WASF2: variants seen among roughly 807,000 people sequenced by gnomAD.
WASF2 encodes the protein WASP family member 2.
In WASF2, 14 loss-of-function variants were observed where a neutral mutation model predicts 45.0. The ratio of observed to expected loss-of-function variants is 0.31; its 90% CI spans 0.21 to 0.49. WASF2 has a LOEUF of 0.49. Ranked by LOEUF, WASF2 falls within the 20% of genes least tolerant of loss-of-function variation. The probability of loss-of-function intolerance (pLI) is 0.99; values close to 1 mark genes in which losing one functional copy is unlikely to be tolerated. For synonymous variants in WASF2, 200 were observed against 236.3 expected (o/e 0.85, Z 1.41); for missense variants, 439 against 636.1 (o/e 0.69, Z 3.33).
chr1:27,480,424 C>G (rs1304560753), intron 1 of WASF2, among the ~76,000 whole-genome samples: 1 of 151,254 alleles, frequency 6.6e-6, no homozygotes, highest in Non-Finnish European at 1.5e-5. Context: ...GGCTAAGGCA[C>G]AAGAATCGCT....
At chr1:27,412,525 C>T in intron 7 of WASF2, 47 bp downstream of exon 7, 1 of 1,609,922 alleles carries the variant, frequency 6.2e-7, no homozygotes, top group Non-Finnish European at 8.5e-7. Flanking sequence ...CTTTTGTTCT[C>T]AAGTGTATAA....
In WASF2 at chr1:27,410,100, C is replaced by T. The variant is rs1264915286; in HGVS notation, c.931G>A (p.Gly311Ser). 1 of 1,613,386 alleles carries T rather than the reference C, an allele frequency of 6.2e-7. No individual in the cohort carries two copies. The highest frequency in any genetic ancestry group is 2.2e-5 in the East Asian group (1 of 44,856). ...GGTGGAGCAAACCCGGGTTTAGGGCCTGGTGGAGAGCCTAGAGGAGGAGCT... is the reference window on the plus strand; with the variant it reads ...GGTGGAGCAAACCCGGGTTTAGGGCTTGGTGGAGAGCCTAGAGGAGGAGCT... The part of the protein sequence containing the change: ...PPAPPLGSPP[G>S]PKPGFAPPPA... Residue 311 changes from glycine to serine, a missense_variant, in exon 8 of 9, where the codon GGC becomes AGC. Gly to Ser is a moderately conservative substitution (Grantham distance 56). Around this residue, in one of 5 missense-constraint regions of WASF2, gnomAD observed 286 missense variants for 373.5 expected, o/e 0.77. Transcript: ENST00000618852. The surrounding 1 kb of genome is among the most constrained non-coding windows in gnomAD (Gnocchi z 4.2).
At chr1:27,457,643 C>T (rs1263754231) in intron 1 of WASF2, among the ~76,000 whole-genome samples, 1 of 145,092 alleles carries the variant, frequency 6.9e-6, no homozygotes, top group African/African-American at 2.6e-5. Context: ...TTTTAAGAGA[C>T]GGGGTCTTAC....
At chr1:27,485,342 G>A (rs1348270198) in intron 1 of WASF2, among the ~76,000 whole-genome samples, 1 of 152,036 alleles carries the variant, frequency 6.6e-6, no homozygotes, top group Non-Finnish European at 1.5e-5. Context: ...AACACTTTGG[G>A]GAGGCCAAGG....
chr1:27,484,215 T>G (rs1444858657), intron 1 of WASF2, among the ~76,000 whole-genome samples: 1 of 152,060 alleles, frequency 6.6e-6, no homozygotes, highest in Non-Finnish European at 1.5e-5. Flanking sequence ...TAATTCTTCA[T>G]CCTCCAACAA....
intron 1 of WASF2, among the ~76,000 whole-genome samples, chr1:27,466,391 T>C (rs539649280): frequency 6.6e-6 from 1 of 152,264 alleles, no homozygotes; most frequent in Non-Finnish European, 1.5e-5. Flanking sequence ...CCTCACAGAA[T>C]AATACACCAC....
At chr1:27,411,154 G>C (rs902077941) in intron 7 of WASF2, among the ~76,000 whole-genome samples, 1 of 152,190 alleles carries the variant, frequency 6.6e-6, no homozygotes, top group Non-Finnish European at 1.5e-5. Context: ...GGACAGCACA[G>C]CTTTAGGTCT....
At chr1:27,476,817 G>A (rs1287241392) in intron 1 of WASF2, among the ~76,000 whole-genome samples, 2 of 152,182 alleles carry the variant, frequency 1.3e-5, no homozygotes, top group African/African-American at 4.8e-5. Context: ...GTTTGCAGAT[G>A]ACTCTACAGC....
chr1:27,489,507 G>C (rs1486747781), intron 1 of WASF2, among the ~76,000 whole-genome samples: 1 of 150,716 alleles, frequency 6.6e-6, no homozygotes, highest in Non-Finnish European at 1.5e-5. Flanking sequence ...TTAGCAGGCC[G>C]GGGCCTCAAC....
At chr1:27,456,190 C>T (rs1370770763) in intron 1 of WASF2, among the ~76,000 whole-genome samples, 2 of 151,630 alleles carry the variant, frequency 1.3e-5, no homozygotes, top group African/African-American at 2.4e-5. Flanking sequence ...GGCGTGGTGG[C>T]GGGCACCTGT....
At chr1:27,440,079 G>A (rs188656808) in intron 1 of WASF2, among the ~76,000 whole-genome samples, 7 of 152,180 alleles carry the variant, frequency 4.6e-5, no homozygotes, top group East Asian at 1.9e-4. Context: ...AAAAACAGAC[G>A]GAAAGGTTTT....
intron 1 of WASF2, among the ~76,000 whole-genome samples, chr1:27,435,244 C>A (rs538548805): frequency 6.6e-6 from 1 of 152,124 alleles, no homozygotes; most frequent in African/African-American, 2.4e-5. Flanking sequence ...CCATGCCCAG[C>A]CTATCATGGA....
chr1:27,406,639 C>T lies in WASF2; in HGVS notation c.*1550G>A, dbSNP rs2016680193. The T allele has an allele frequency of 6.6e-6, 1 of 150,744 alleles. No individual in the cohort carries two copies. The highest frequency in any genetic ancestry group is 2.4e-5 in the African/African-American group (1 of 41,172). 9.3% of individuals were successfully genotyped at this position (150,744 alleles called of 1,614,324 possible). On this transcript the variant is annotated 3_prime_UTR_variant, in exon 9 of 9. Transcript: ENST00000618852. The stretch of plus-strand genomic sequence containing the variant: ...TTAGGGCAGAAGAAAAGAAACCTCA[C>T]TGTTGGCTAGAGCTGACCAGTTTTT...
intron 1 of WASF2, among the ~76,000 whole-genome samples, chr1:27,474,929 G>A (rs1181753272): frequency 1.3e-5 from 2 of 151,974 alleles, no homozygotes; most frequent in Non-Finnish European, 2.9e-5. Flanking sequence ...TCCAGCCTAG[G>A]TGACAGAGTG....
chr1:27,449,410 C>T (rs915922900), intron 1 of WASF2, among the ~76,000 whole-genome samples: 5 of 152,050 alleles, frequency 3.3e-5, no homozygotes, highest in Non-Finnish European at 5.9e-5. Context: ...ACCAGCCTGG[C>T]CAACATGGTG....
At chr1:27,474,788 T>A (rs2017742421) in intron 1 of WASF2, among the ~76,000 whole-genome samples, 1 of 147,958 alleles carries the variant, frequency 6.8e-6, no homozygotes, top group African/African-American at 2.5e-5. Context: ...AAAATAAAAA[T>A]AAAAAATAAA....
chr1:27,442,893 CAGG>C (rs1166332412), intron 1 of WASF2, among the ~76,000 whole-genome samples: 5 of 147,972 alleles, frequency 3.4e-5, no homozygotes, highest in African/African-American at 1.0e-4. Context: ...ACCAGCTACT[CAGG>C]AGGAGAATCG....
chr1:27,450,260 T>C (rs1315108226), intron 1 of WASF2, among the ~76,000 whole-genome samples: 1 of 152,034 alleles, frequency 6.6e-6, no homozygotes, highest in Non-Finnish European at 1.5e-5. Flanking sequence ...GAGAGAAAAA[T>C]GATAGTTATC....
intron 1 of WASF2, among the ~76,000 whole-genome samples, chr1:27,440,282 G>C (rs2017191959): frequency 6.6e-6 from 1 of 152,200 alleles, no homozygotes; most frequent in African/African-American, 2.4e-5. Flanking sequence ...CCAGCACCTT[G>C]GGAGGCCAAG....
Sources: allele counts gnomAD v4.1 joint callset (sites outside exome capture counted in the v4.1 genomes callset), GRCh38; gene constraint gnomAD v4.1.1; regional missense constraint gnomAD v4.1.1; non-coding constraint Gnocchi (gnomAD v3.1); transcripts MANE v1.5; gene names NCBI Gene and HGNC (gene_info 2026-07-23, HGNC 2026-07-21).